DSCAML1: variants seen among roughly 807,000 people sequenced by gnomAD.
The protein encoded by DSCAML1 is DS cell adhesion molecule like 1, also known as cell adhesion molecule DSCAML1.
DSCAML1 carries 38 observed loss-of-function variants against 200.5 expected under a neutral mutation model. The ratio of observed to expected loss-of-function variants is 0.19; its 90% CI spans 0.15 to 0.25. The LOEUF (loss-of-function observed/expected upper bound fraction) is 0.25. Ranked by LOEUF, DSCAML1 falls within the 10% of genes least tolerant of loss-of-function variation. DSCAML1 has a pLI of 1.00. For synonymous variants in DSCAML1, 1,215 were observed against 1,165.0 expected (o/e 1.04, Z -0.87); for missense variants, 2,223 against 2,858.8 (o/e 0.78, Z 5.07).
chr11:117,579,538 G>C (rs1309741331), intron 3 of DSCAML1, among the ~76,000 whole-genome samples: 1 of 152,242 alleles, frequency 6.6e-6, no homozygotes, highest in Non-Finnish European at 1.5e-5. Context: ...CCCCTCTGCA[G>C]ACAGGCCTTC....
intron 1 of DSCAML1, among the ~76,000 whole-genome samples, chr11:117,806,443 G>A (rs925765918): frequency 3.3e-5 from 5 of 152,300 alleles, no homozygotes; most frequent in Admixed American, 6.5e-5. Flanking sequence ...CTGAACTGGC[G>A]GGCTAATTGT....
intron 20 of DSCAML1, 98 bp from the exon 21 acceptor site, chr11:117,444,137 G>A: frequency 7.2e-7 from 1 of 1,380,014 alleles, no homozygotes; most frequent in Non-Finnish European, 9.7e-7. Flanking sequence ...GAGGATGGCG[G>A]GGTCGGATGC....
At position 117,437,185 on chromosome 11, in the gene DSCAML1, C is replaced by A; in HGVS notation, c.4657G>T (p.Ala1553Ser). ...EATWYELRMR[A>S]CNSAGCGNET... ...TTGCCGCAGCCCGCACTGTTGCAAG[C>A]CCTCATGCGCAGCTCGTACCACGTG... Residue 1553 changes from alanine to serine, a missense_variant, in exon 26 of 33, where the codon GCT becomes TCT. Physicochemically the swap from Ala to Ser is moderately conservative, Grantham distance 99. Transcript: ENST00000651296. The surrounding 1 kb of genome is among the most constrained non-coding windows in gnomAD (Gnocchi z 5.3). 1.2e-6 allele frequency: 2 copies of A among 1,614,242 alleles called. No individual in the cohort carries two copies. Among genetic ancestry groups the A allele is most frequent in the Admixed American group, 1.7e-5 (1 of 60,034 alleles).
intron 3 of DSCAML1, among the ~76,000 whole-genome samples, chr11:117,657,851 T>C (rs1320307028): frequency 1.3e-5 from 2 of 152,134 alleles, no homozygotes; most frequent in Admixed American, 6.5e-5. Flanking sequence ...TCTTCCACAA[T>C]GAAGCAGAGC....
At chr11:117,457,129 C>T (rs966784644) in intron 19 of DSCAML1, among the ~76,000 whole-genome samples, 3 of 151,710 alleles carry the variant, frequency 2.0e-5, no homozygotes, top group African/African-American at 7.3e-5. Context: ...AGTGACTTCC[C>T]CATGAATGCC....
chr11:117,512,448 G>A (rs1026610927), intron 8 of DSCAML1, among the ~76,000 whole-genome samples: 6 of 152,198 alleles, frequency 3.9e-5, no homozygotes, highest in Non-Finnish European at 8.8e-5. Context: ...GTGGGAGAGG[G>A]AGTCAGGGAA....
intron 1 of DSCAML1, 120 bp downstream of exon 1, chr11:117,796,914 G>A (rs1324021641): frequency 1.4e-5 from 9 of 647,140 alleles, no homozygotes; most frequent in Non-Finnish European, 2.0e-5. Flanking sequence ...CCCACCCGGG[G>A]CCTTGCACCC....
intron 1 of DSCAML1, among the ~76,000 whole-genome samples, chr11:117,782,581 G>A (rs1335127585): frequency 6.6e-6 from 1 of 152,178 alleles, no homozygotes; most frequent in African/African-American, 2.4e-5. Flanking sequence ...AACTTGCTGT[G>A]GCTGGAGTGT....
At chr11:117,486,293 G>T (rs1433263364) in intron 11 of DSCAML1, among the ~76,000 whole-genome samples, 2 of 150,590 alleles carry the variant, frequency 1.3e-5, no homozygotes, top group African/African-American at 2.4e-5. Flanking sequence ...TGTGAAAATG[G>T]CAGATGTGAA....
At chr11:117,762,759 A>T (rs1050186619) in intron 3 of DSCAML1, among the ~76,000 whole-genome samples, 1 of 151,956 alleles carries the variant, frequency 6.6e-6, no homozygotes, top group Admixed American at 6.6e-5. Context: ...GATGCTGTGG[A>T]GGCTGAGACA....
At chr11:117,514,862 G>A (rs754919349) in intron 8 of DSCAML1, among the ~76,000 whole-genome samples, 8 of 152,148 alleles carry the variant, frequency 5.3e-5, no homozygotes, top group Non-Finnish European at 8.8e-5. Flanking sequence ...GATTACAGGC[G>A]TGGGCCACTG....
chr11:117,542,286 C>G (rs1231365184), intron 3 of DSCAML1, among the ~76,000 whole-genome samples: 1 of 140,122 alleles, frequency 7.1e-6, no homozygotes, highest in Non-Finnish European at 1.5e-5. Flanking sequence ...CAGAGTGAGA[C>G]TCCCTATCAA....
At position 117,504,797 on chromosome 11, in the gene DSCAML1, G is replaced by T; in HGVS notation, c.2182+127C>A. On this transcript the variant is annotated intron_variant, in intron 10 of 32. Transcript: ENST00000651296. This position sits in a 1 kb window ranked among gnomAD's most constrained non-coding sequence, Gnocchi z 5.0. ...GAGGTGTAGCCTGGGGTCCACTGGG[G>T]TGCAGACCAGAGGACTCCCATCCAG... 1 of 1,307,238 alleles carries T rather than the reference G, an allele frequency of 7.6e-7. No homozygotes were observed. The highest frequency in any genetic ancestry group is 1.0e-6 in the Non-Finnish European group (1 of 997,370). 81.0% of individuals were successfully genotyped at this position (1,307,238 alleles called of 1,614,324 possible).
At chr11:117,608,228 A>G (rs748468803) in intron 3 of DSCAML1, among the ~76,000 whole-genome samples, 7 of 152,258 alleles carry the variant, frequency 4.6e-5, no homozygotes, top group African/African-American at 7.2e-5. Context: ...CAATTGCACA[A>G]TGGAGAGATG....
chr11:117,670,893 C>T (rs2053092713), intron 3 of DSCAML1, among the ~76,000 whole-genome samples: 1 of 152,146 alleles, frequency 6.6e-6, no homozygotes, highest in African/African-American at 2.4e-5. Context: ...CACGCAATAA[C>T]TTGACAGAAG....
chr11:117,773,590 T>A (rs1409802173), intron 3 of DSCAML1, among the ~76,000 whole-genome samples: 2 of 150,902 alleles, frequency 1.3e-5, no homozygotes, highest in African/African-American at 4.9e-5. Flanking sequence ...GGGCATAGTG[T>A]GAATATGGTT....
chr11:117,711,701 C>T (rs754560634), intron 3 of DSCAML1, among the ~76,000 whole-genome samples: 10 of 152,048 alleles, frequency 6.6e-5, no homozygotes, highest in Admixed American at 5.2e-4. Flanking sequence ...TTTTTTTCCT[C>T]CAATTTTGTC....
At chr11:117,670,414 A>G (rs2053080474) in intron 3 of DSCAML1, among the ~76,000 whole-genome samples, 1 of 152,144 alleles carries the variant, frequency 6.6e-6, no homozygotes, top group African/African-American at 2.4e-5. Context: ...TGCAAGGCAG[A>G]CAGGCAAGCA....
intron 3 of DSCAML1, among the ~76,000 whole-genome samples, chr11:117,721,941 AAGT>A (rs1306908861): frequency 2.0e-5 from 3 of 152,070 alleles, no homozygotes; most frequent in Non-Finnish European, 4.4e-5. Context: ...TTTAAAATGT[AAGT>A]CATTTGTTCT....
Sources: allele counts gnomAD v4.1 joint callset (sites outside exome capture counted in the v4.1 genomes callset), GRCh38; gene constraint gnomAD v4.1.1; non-coding constraint Gnocchi (gnomAD v3.1); transcripts MANE v1.5; gene names NCBI Gene and HGNC (gene_info 2026-07-23, HGNC 2026-07-21).